The following GC variants were observed in gnomAD, a reference collection of about 807,000 sequenced individuals.
GC encodes the protein GC vitamin D binding protein.
GC carries 43 observed loss-of-function variants against 56.7 expected under a neutral mutation model. The ratio of observed to expected loss-of-function variants is 0.76; its 90% CI spans 0.59 to 0.98. The LOEUF (loss-of-function observed/expected upper bound fraction) is 0.98. Ranked by LOEUF, GC falls within the 50% of genes least tolerant of loss-of-function variation. GC has a pLI of 0.00. For missense variants in GC, 529 were observed against 545.9 expected, an observed-to-expected ratio of 0.97 and a Z score of 0.31; for synonymous variants, 216 against 202.7, an observed-to-expected ratio of 1.07 and a Z score of -0.56.
intron 12 of GC, 63 bp downstream of exon 12, chr4:71,746,088 G>C (rs2149292330): frequency 2.8e-6 from 2 of 725,872 alleles, no homozygotes; most frequent in Non-Finnish European, 2.5e-6. Context: ...CCCATTCTTT[G>C]ATATTTAAAA....
chr4:71,788,469 T>C (rs186542632), upstream of GC, among the ~76,000 whole-genome samples: 26 of 151,834 alleles, frequency 1.7e-4, 2 homozygotes, highest in African/African-American at 6.3e-4. Context: ...TCTGCCATGA[T>C]GCTCTTTACT....
intron 2 of GC, among the ~76,000 whole-genome samples, chr4:71,768,796 A>G (rs1020552529): frequency 5.3e-5 from 8 of 152,246 alleles, no homozygotes; most frequent in Non-Finnish European, 8.8e-5. Flanking sequence ...ATTTTGGCAC[A>G]TTAAAATATG....
intron 3 of GC, 142 bp downstream of exon 3, chr4:71,768,159 G>A (rs1742216649): frequency 6.5e-6 from 4 of 615,072 alleles, no homozygotes; most frequent in Middle Eastern, 4.4e-4. Flanking sequence ...AAACCAGGCT[G>A]TAAACACAAC....
chr4:71,764,914 G>A (rs1742109236), intron 4 of GC, among the ~76,000 whole-genome samples: 1 of 152,078 alleles, frequency 6.6e-6, no homozygotes. Flanking sequence ...GGCCCCTTGT[G>A]CATGTTAAAC....
Position 71,768,349 on chromosome 4 carries a change from G to C in GC, c.213C>G (p.Thr71=), listed in dbSNP as rs750307767. The C allele has an allele frequency of 1.9e-6, 3 of 1,613,224 alleles. No homozygotes were observed. Among genetic ancestry groups the C allele is most frequent in the South Asian group, 1.1e-5 (1 of 90,908 alleles). ...CAGCCCCTTCCGCACAGCAGGCTTC[G>C]GTCAAGGAGACAACTTCCTTCACAA... is the stretch of plus-strand genomic sequence containing the variant. ...SQLVKEVVSL[T]EACCAEGADP... is the part of the protein sequence containing the mutation. Residue 71 remains threonine (T), a synonymous_variant, in exon 3 of 13, where the codon ACC becomes ACG. Transcript: ENST00000273951.
intron 11 of GC, among the ~76,000 whole-genome samples, chr4:71,750,536 G>A (rs552248288): frequency 9.2e-5 from 14 of 152,102 alleles, no homozygotes; most frequent in South Asian, 2.1e-4. Flanking sequence ...TATTGCTTTC[G>A]TGGCTGATAA....
intron 6 of GC, among the ~76,000 whole-genome samples, chr4:71,759,154 G>A (rs768311985): frequency 2.0e-5 from 3 of 151,936 alleles, no homozygotes; most frequent in Non-Finnish European, 4.4e-5. Context: ...TCCATTGTAT[G>A]TATATACCAC....
In GC at chr4:71,750,530, G is replaced by T. The variant is rs1353722411; in HGVS notation, c.1395+1988C>A. Among the ~76,000 whole-genome samples, 49 of 152,064 alleles carry T rather than the reference G, an allele frequency of 3.2e-4. 1 individual carries two copies. The highest frequency in any genetic ancestry group is 2.4e-5 in the African/African-American group (1 of 41,406). ...AGTCTAATAGAAACTGGGCTTTATTGCTTTCGTGGCTGATAAATGAACAAA... is the reference window on the plus strand; with the variant it reads ...AGTCTAATAGAAACTGGGCTTTATTTCTTTCGTGGCTGATAAATGAACAAA... On this transcript the variant is annotated intron_variant, in intron 11 of 12. Transcript: ENST00000273951.
At chr4:71,803,834 A>T in intron 1 of GC, 1 of 744,358 alleles carries the variant, frequency 1.3e-6, no homozygotes, top group Non-Finnish European at 2.4e-6. Flanking sequence ...CTGTGTTGGT[A>T]GTCAGAACAT....
intron 11 of GC, among the ~76,000 whole-genome samples, chr4:71,746,717 T>C (rs551113248): frequency 7.5e-6 from 1 of 134,036 alleles, no homozygotes; most frequent in South Asian, 2.3e-4. Context: ...CAACAAGTCA[T>C]GATAGCAAGT....
intron 6 of GC, among the ~76,000 whole-genome samples, chr4:71,761,020 C>T (rs757413337): frequency 3.1e-4 from 47 of 152,026 alleles, no homozygotes; most frequent in Non-Finnish European, 1.2e-4. Flanking sequence ...AAAAGATACC[C>T]GAAAATGTGG....
chr4:71,768,501 C>T, intron 2 of GC, 68 bp from the exon 3 acceptor site: 4 of 1,397,660 alleles, frequency 2.9e-6, no homozygotes, highest in Non-Finnish European at 3.9e-6. Context: ...CGGAGTCTCG[C>T]TCTGTTACCC....
At chr4:71,789,253 G>A (rs1379692123) in intron 1 of GC, among the ~76,000 whole-genome samples, 3 of 151,778 alleles carry the variant, frequency 2.0e-5, no homozygotes, top group Non-Finnish European at 4.4e-5. Flanking sequence ...CCTGATAGAT[G>A]TCCCCAAATG....
intron 12 of GC, among the ~76,000 whole-genome samples, chr4:71,743,794 A>G (rs1741261484): frequency 6.6e-6 from 1 of 152,216 alleles, no homozygotes; most frequent in Non-Finnish European, 1.5e-5. Flanking sequence ...GCAGAATGCA[A>G]TGGTGATAAA....
At chr4:71,793,804 G>T (rs534874417) in intron 1 of GC, among the ~76,000 whole-genome samples, 1 of 152,106 alleles carries the variant, frequency 6.6e-6, no homozygotes, top group African/African-American at 2.4e-5. Context: ...GTGATAAATA[G>T]CTCTTATTAT....
intron 5 of GC, 109 bp from the exon 6 acceptor site, chr4:71,763,611 C>G: frequency 3.9e-6 from 3 of 768,064 alleles, no homozygotes; most frequent in Admixed American, 2.4e-5. Flanking sequence ...GAATAGGAAA[C>G]TGAACACTGG....
At chr4:71,791,790 A>G (rs958308196) in intron 1 of GC, among the ~76,000 whole-genome samples, 5 of 151,750 alleles carry the variant, frequency 3.3e-5, no homozygotes, top group African/African-American at 1.2e-4. Context: ...TACATTAGGT[A>G]TTTCTCCTAA....
chr4:71,741,784 G>T lies in GC; in HGVS notation c.*112C>A. ...ATATTGTAGCTAGAAAAAGTAGAAA[G>T]TATCCTAGTTGTCTTCCCAGAAGCT... On this transcript the variant is annotated 3_prime_UTR_variant, in exon 13 of 13. Transcript: ENST00000273951. 1.4e-6 allele frequency: 1 copy of T among 700,270 alleles called. No homozygotes were observed. The allele number at this position is 700,270 out of a possible 1,614,324, so 43.4% of individuals were successfully genotyped here.
At chr4:71,762,936 T>A (rs1454707091) in intron 6 of GC, among the ~76,000 whole-genome samples, 1 of 152,164 alleles carries the variant, frequency 6.6e-6, no homozygotes, top group African/African-American at 2.4e-5. Context: ...CAAAGGTAGA[T>A]AACTAATGAG....
Sources: allele counts gnomAD v4.1 joint callset (sites outside exome capture counted in the v4.1 genomes callset), GRCh38; gene constraint gnomAD v4.1.1; transcripts MANE v1.5; gene names NCBI Gene and HGNC (gene_info 2026-07-23, HGNC 2026-07-21).